EDIL3: variants seen among roughly 807,000 people sequenced by gnomAD.
EDIL3 encodes the protein EGF like and discoidin domains 3, also known as EGF-like repeat and discoidin I-like domain-containing protein 3.
A neutral mutation model predicts 67.4 loss-of-function variants in EDIL3; 37 were observed. The observed-to-expected ratio is 0.55, with a 90% CI of 0.42 to 0.72. EDIL3 has a LOEUF of 0.72. Among genes scored for constraint, EDIL3 ranks in the 30% least tolerant of loss-of-function variants. The probability of loss-of-function intolerance (pLI) is 0.00; values close to 1 mark genes in which losing one functional copy is unlikely to be tolerated. For missense variants in EDIL3, 527 were observed against 586.3 expected (o/e 0.90, Z 1.04); for synonymous variants, 195 against 196.3 (o/e 0.99, Z 0.05).
chr5:84,085,627 G>A (rs1747056004), intron 6 of EDIL3, among the ~76,000 whole-genome samples: 1 of 152,192 alleles, frequency 6.6e-6, no homozygotes, highest in African/African-American at 2.4e-5. Flanking sequence ...CCTGTTGGGA[G>A]GTCTCTCCCA....
At position 83,941,438 on chromosome 5, in the gene EDIL3, A is replaced by G. The variant is rs1450313702; in HGVS notation, c.*1981T>C. The G allele has an allele frequency of 6.6e-6, 1 of 152,130 alleles. No individual in the cohort carries two copies. The highest frequency in any genetic ancestry group is 1.9e-4 in the East Asian group (1 of 5,160). The allele number at this position is 152,130 out of a possible 1,614,324, so 9.4% of individuals were successfully genotyped here. A position where few individuals can be genotyped will look rare whatever the true frequency, so the allele number is the denominator to read the frequency against. On this transcript the variant is annotated 3_prime_UTR_variant, in exon 11 of 11. Coordinates refer to ENST00000296591, the MANE Select transcript of EDIL3 (RefSeq NM_005711.5). ...GAAAAACTATATCATCATAAAGCGT[A>G]AGTAATAATCTTAAAAATACACTCT... is the stretch of plus-strand genomic sequence containing the variant.
At chr5:84,174,359 GA>G (rs1044901472) in intron 4 of EDIL3, among the ~76,000 whole-genome samples, 1 of 152,194 alleles carries the variant, frequency 6.6e-6, no homozygotes, top group African/African-American at 2.4e-5. Context: ...GGACAAATAA[GA>G]ATAGGCTGTG....
chr5:84,298,431 A>G (rs1032030611), intron 1 of EDIL3, among the ~76,000 whole-genome samples: 1 of 152,160 alleles, frequency 6.6e-6, no homozygotes, highest in Non-Finnish European at 1.5e-5. Context: ...GACAATGAGA[A>G]GACATGGACA....
chr5:84,364,842 G>A (rs1035223111), intron 1 of EDIL3, among the ~76,000 whole-genome samples: 4 of 151,822 alleles, frequency 2.6e-5, no homozygotes, highest in Non-Finnish European at 4.4e-5. Flanking sequence ...TTTCTAACCC[G>A]AAACTTTAAT....
In EDIL3 at chr5:84,133,109, T is replaced by C. The variant is rs150746933; in HGVS notation, c.469+4132A>G. On this transcript the variant is annotated intron_variant, in intron 5 of 10. Coordinates refer to ENST00000296591, the MANE Select transcript of EDIL3 (RefSeq NM_005711.5). ...ATGTATACAGGTATTGTGGGCCACA[T>C]AGTCCAATAAATGAGAACAATCCTA... 1.8e-4 allele frequency among the ~76,000 whole-genome samples: 27 copies of C among 152,246 alleles called. No individual in the cohort carries two copies. The East Asian group carries it at 4.6e-3, about 26-fold the overall frequency.
At chr5:84,158,417 T>A (rs1285695291) in intron 4 of EDIL3, among the ~76,000 whole-genome samples, 1 of 152,088 alleles carries the variant, frequency 6.6e-6, no homozygotes, top group African/African-American at 2.4e-5. Flanking sequence ...CATTCCTACA[T>A]ATCTAAATAT....
chr5:84,290,273 C>G (rs1334504147), intron 1 of EDIL3, among the ~76,000 whole-genome samples: 1 of 152,136 alleles, frequency 6.6e-6, no homozygotes, highest in Non-Finnish European at 1.5e-5. Context: ...TCAGAGCTCC[C>G]CATGACACTA....
At chr5:84,224,135 G>A (rs1303477661) in intron 3 of EDIL3, among the ~76,000 whole-genome samples, 1 of 151,408 alleles carries the variant, frequency 6.6e-6, no homozygotes, top group East Asian at 1.9e-4. Flanking sequence ...AGTTACGGTT[G>A]TAGTTCATTT....
chr5:84,032,047 T>C (rs1745934349), intron 9 of EDIL3, among the ~76,000 whole-genome samples: 1 of 152,222 alleles, frequency 6.6e-6, no homozygotes, highest in Non-Finnish European at 1.5e-5. Context: ...TCAGGTAAGA[T>C]AGCTAAATGC....
chr5:84,162,616 T>C (rs534655221), intron 4 of EDIL3, among the ~76,000 whole-genome samples: 1 of 152,220 alleles, frequency 6.6e-6, no homozygotes, highest in Admixed American at 6.5e-5. Context: ...GCCTTTATGC[T>C]CTGTGCCCTG....
intron 1 of EDIL3, among the ~76,000 whole-genome samples, chr5:84,275,506 A>G (rs1745567983): frequency 6.6e-6 from 1 of 152,218 alleles, no homozygotes; most frequent in South Asian, 2.1e-4. Flanking sequence ...TTAGCAATCA[A>G]TCTCAATTAT....
At position 83,955,663 on chromosome 5, in the gene EDIL3, C is replaced by A. The variant is rs528190626; in HGVS notation, c.1293+7542G>T. 1.8e-4 allele frequency among the ~76,000 whole-genome samples: 28 copies of A among 151,860 alleles called. No homozygotes were observed. The South Asian group carries it at 5.8e-3, about 32-fold the overall frequency. On this transcript the variant is annotated intron_variant, in intron 10 of 10. Coordinates refer to ENST00000296591, the MANE Select transcript of EDIL3 (RefSeq NM_005711.5). ...GTTATCTGTCATTAAATAACAGTCACACCAGTAGGGACATTCTTCCTGCTC... is the reference window on the plus strand; with the variant it reads ...GTTATCTGTCATTAAATAACAGTCAAACCAGTAGGGACATTCTTCCTGCTC...
intron 6 of EDIL3, among the ~76,000 whole-genome samples, chr5:84,097,880 T>C (rs1747293006): frequency 6.6e-6 from 1 of 152,086 alleles, no homozygotes; most frequent in Non-Finnish European, 1.5e-5. Flanking sequence ...TTATACTGGC[T>C]GACCCTCAGT....
intron 1 of EDIL3, among the ~76,000 whole-genome samples, chr5:84,288,567 T>C (rs1745854782): frequency 6.6e-6 from 1 of 152,062 alleles, no homozygotes; most frequent in African/African-American, 2.4e-5. Flanking sequence ...CAAGTAAATA[T>C]CAACTGTACT....
chr5:84,107,720 A>C (rs1336519682), intron 5 of EDIL3, among the ~76,000 whole-genome samples: 2 of 150,472 alleles, frequency 1.3e-5, no homozygotes, highest in Non-Finnish European at 3.0e-5. Flanking sequence ...AGAAATGGAG[A>C]TAAATCCATC....
intron 9 of EDIL3, among the ~76,000 whole-genome samples, chr5:84,011,626 G>A (rs1745518143): frequency 6.6e-6 from 1 of 152,048 alleles, no homozygotes; most frequent in Non-Finnish European, 1.5e-5. Context: ...AATGGTCTGG[G>A]TCCTGCATAC....
intron 1 of EDIL3, among the ~76,000 whole-genome samples, chr5:84,254,513 TA>T (rs1055750750): frequency 6.6e-6 from 1 of 152,222 alleles, no homozygotes; most frequent in Non-Finnish European, 1.5e-5. Context: ...AATATTAACC[TA>T]AATATCTGTA....
chr5:84,365,563 C>A (rs1747711674), intron 1 of EDIL3, among the ~76,000 whole-genome samples: 1 of 152,062 alleles, frequency 6.6e-6, no homozygotes, highest in South Asian at 2.1e-4. Context: ...AAAGCAGAGA[C>A]CACCTGATGA....
intron 6 of EDIL3, among the ~76,000 whole-genome samples, chr5:84,090,771 C>T (rs921347750): frequency 5.9e-5 from 9 of 151,496 alleles, no homozygotes; most frequent in African/African-American, 2.2e-4. Context: ...CATGGTGAAA[C>T]CTTATCTCTA....
Sources: allele counts gnomAD v4.1 joint callset (sites outside exome capture counted in the v4.1 genomes callset), GRCh38; gene constraint gnomAD v4.1.1; transcripts MANE v1.5; gene names NCBI Gene and HGNC (gene_info 2026-07-23, HGNC 2026-07-21).